Variants in SNX29 observed in about 807,000 individuals in gnomAD.
SNX29 encodes sorting nexin 29.
Under a neutral mutation model 102.1 loss-of-function variants are expected in SNX29, and 78 were observed. The observed-to-expected ratio is 0.76, with a 90% CI of 0.64 to 0.92. SNX29 has a LOEUF of 0.92. SNX29 is among the 40% of genes least tolerant of loss of function. The pLI is 0.00. For synonymous variants in SNX29, 580 were observed against 414.5 expected, an observed-to-expected ratio of 1.40 and a Z score of -4.85; for missense variants, 1,280 against 1,061.7, an observed-to-expected ratio of 1.21 and a Z score of -2.86.
intron 3 of SNX29, among the ~76,000 whole-genome samples, chr16:12,025,500 G>A (rs2057165318): frequency 6.6e-6 from 1 of 152,120 alleles, no homozygotes. Context: ...TTATATACCA[G>A]GTGCTGAGCT....
intron 13 of SNX29, among the ~76,000 whole-genome samples, chr16:12,140,966 G>A (rs1280486878): frequency 6.6e-6 from 1 of 152,102 alleles, no homozygotes; most frequent in East Asian, 1.9e-4. Context: ...TAATATGAAA[G>A]AGAAATGAAA....
chr16:12,567,764 A>G (rs372045664), intron 20 of SNX29, among the ~76,000 whole-genome samples: 34 of 152,300 alleles, frequency 2.2e-4, no homozygotes, highest in African/African-American at 7.9e-4. Context: ...CTGTCTCCAG[A>G]AAATACAATT....
chr16:12,496,241 G>A (rs559765094), intron 19 of SNX29, among the ~76,000 whole-genome samples: 2 of 152,214 alleles, frequency 1.3e-5, no homozygotes, highest in African/African-American at 4.8e-5. Flanking sequence ...TGACACAGGG[G>A]TAGTCAGCTG....
chr16:12,540,153 T>C (rs2077264173), intron 20 of SNX29, among the ~76,000 whole-genome samples: 2 of 152,190 alleles, frequency 1.3e-5, no homozygotes, highest in African/African-American at 4.8e-5. Flanking sequence ...AGCTTTACAT[T>C]TTAGATCTGC....
At chr16:12,173,193 C>G (rs1053241044) in intron 13 of SNX29, among the ~76,000 whole-genome samples, 1 of 152,224 alleles carries the variant, frequency 6.6e-6, no homozygotes, top group African/African-American at 2.4e-5. Flanking sequence ...CTTAGAATTG[C>G]AGCCAGTTTC....
intron 13 of SNX29, among the ~76,000 whole-genome samples, chr16:12,167,394 G>C (rs184493572): frequency 3.9e-5 from 6 of 152,166 alleles, no homozygotes; most frequent in Admixed American, 3.3e-4. Flanking sequence ...AGCCTCTGTG[G>C]GTCCAGGTAG....
intron 15 of SNX29, among the ~76,000 whole-genome samples, chr16:12,313,088 A>G (rs1249986241): frequency 6.6e-6 from 1 of 151,094 alleles, no homozygotes; most frequent in East Asian, 2.0e-4. Context: ...ATCTCGGCTT[A>G]CTACAACCTC....
chr16:12,566,525 T>G (rs1336774580), intron 20 of SNX29, among the ~76,000 whole-genome samples: 1 of 152,220 alleles, frequency 6.6e-6, no homozygotes, highest in African/African-American at 2.4e-5. Flanking sequence ...ACCCCGCATC[T>G]GAAGAGCATG....
chr16:12,422,398 T>C (rs1372570940), intron 18 of SNX29, among the ~76,000 whole-genome samples: 1 of 152,236 alleles, frequency 6.6e-6, no homozygotes, highest in Non-Finnish European at 1.5e-5. Context: ...GTGTTTTTAA[T>C]TAATGCAAAA....
At chr16:12,544,399 G>C (rs747131206) in intron 20 of SNX29, among the ~76,000 whole-genome samples, 6 of 152,206 alleles carry the variant, frequency 3.9e-5, no homozygotes, top group Non-Finnish European at 8.8e-5. Flanking sequence ...AGGTGGTTCT[G>C]CTAAAACATT....
At chr16:12,545,155 C>CA (rs1412832138) in intron 20 of SNX29, among the ~76,000 whole-genome samples, 2 of 152,168 alleles carry the variant, frequency 1.3e-5, no homozygotes, top group Non-Finnish European at 2.9e-5. Context: ...GAAGTACAGA[C>CA]ACTCTGCCAG....
intron 15 of SNX29, among the ~76,000 whole-genome samples, chr16:12,353,099 C>T (rs755894638): frequency 2.6e-5 from 4 of 152,120 alleles, no homozygotes; most frequent in African/African-American, 9.7e-5. Context: ...GTCTTCTCTC[C>T]GAGTCACTCT....
Position 12,568,597 on chromosome 16 carries a change from C to A in SNX29, c.2410C>A (p.Arg804Ser), listed in dbSNP as rs555538602. The A allele has an allele frequency of 2.5e-6, 4 of 1,605,864 alleles. No individual in the cohort carries two copies. The highest frequency in any genetic ancestry group is 2.2e-5 in the East Asian group (1 of 44,858). ...KLSRGQPRET[R>S]NVEPQSGDL ...GTCCCGGGGTCAGCCCCGGGAGACC[C>A]GCAACGTGGAGCCCCAGAGCGGTGA... Residue 804 changes from arginine to serine, a missense_variant, in exon 21 of 21, where the codon CGC becomes AGC. Transcript: ENST00000566228.
At chr16:12,520,230 G>A (rs1251949403) in intron 19 of SNX29, among the ~76,000 whole-genome samples, 3 of 152,172 alleles carry the variant, frequency 2.0e-5, no homozygotes, top group Non-Finnish European at 2.9e-5. Flanking sequence ...ACCTGCCCCT[G>A]CACCCAGGTG....
chr16:12,133,560 G>A (rs2054553114), intron 13 of SNX29, among the ~76,000 whole-genome samples: 1 of 152,000 alleles, frequency 6.6e-6, no homozygotes, highest in Non-Finnish European at 1.5e-5. Flanking sequence ...TGAAGTGCTA[G>A]GATTACAGGC....
intron 11 of SNX29, among the ~76,000 whole-genome samples, chr16:12,126,296 C>T (rs1185985467): frequency 6.6e-6 from 1 of 152,226 alleles, no homozygotes; most frequent in Non-Finnish European, 1.5e-5. Context: ...ATCTCACTTA[C>T]ATATTGTCTT....
At chr16:12,354,845 A>G (rs2082087182) in intron 15 of SNX29, among the ~76,000 whole-genome samples, 1 of 152,238 alleles carries the variant, frequency 6.6e-6, no homozygotes, top group African/African-American at 2.4e-5. Flanking sequence ...CTGTACAAAG[A>G]AAAAAGCTGG....
chr16:12,403,376 C>T, intron 17 of SNX29, 72 bp from the exon 18 acceptor site: 5 of 1,460,984 alleles, frequency 3.4e-6, no homozygotes, highest in Non-Finnish European at 4.7e-6. Flanking sequence ...GTCTCCTTTC[C>T]TCTTTTTTAT....
intron 8 of SNX29, among the ~76,000 whole-genome samples, chr16:12,057,263 G>T (rs1383978202): frequency 6.6e-6 from 1 of 152,222 alleles, no homozygotes; most frequent in East Asian, 1.9e-4. Flanking sequence ...AGTGAAACAA[G>T]ACTCCATATT....
Sources: gnomAD v4.1 joint callset for allele counts (sites outside exome capture counted in the v4.1 genomes callset) on GRCh38, gnomAD v4.1.1 for gene constraint, MANE v1.5 for transcripts, NCBI Gene and HGNC (gene_info 2026-07-23, HGNC 2026-07-21) for gene names.